CBLB: variants seen among roughly 807,000 people sequenced by gnomAD.
The protein encoded by CBLB is E3 ubiquitin-protein ligase CBL-B.
CBLB carries 31 observed loss-of-function variants against 104.9 expected under a neutral mutation model. The ratio of observed to expected loss-of-function variants is 0.30; its 90% CI spans 0.22 to 0.40. The LOEUF is 0.40. Ranked by LOEUF, CBLB falls within the 10% of genes least tolerant of loss-of-function variation. The pLI is 1.00. For missense variants in CBLB, 1,062 were observed against 1,214.6 expected (o/e 0.87, Z 1.87); for synonymous variants, 440 against 422.6 (o/e 1.04, Z -0.51).
At chr3:105,694,186 A>C (rs2068053455) in intron 12 of CBLB, among the ~76,000 whole-genome samples, 1 of 151,896 alleles carries the variant, frequency 6.6e-6, no homozygotes, top group East Asian at 1.9e-4. Flanking sequence ...TGAACACACA[A>C]ACCACAATTT....
At chr3:105,695,060 T>C (rs1435747102) in intron 12 of CBLB, among the ~76,000 whole-genome samples, 1 of 151,902 alleles carries the variant, frequency 6.6e-6, no homozygotes, top group Non-Finnish European at 1.5e-5. Context: ...TCATTGGAAT[T>C]CTTTGCATGC....
At chr3:105,707,753 C>T (rs562026503) in intron 10 of CBLB, among the ~76,000 whole-genome samples, 1 of 152,030 alleles carries the variant, frequency 6.6e-6, no homozygotes, top group African/African-American at 2.4e-5. Context: ...TTGCACAATC[C>T]AGTCCATAAT....
At chr3:105,719,515 G>C (rs1448885581) in intron 10 of CBLB, among the ~76,000 whole-genome samples, 1 of 152,166 alleles carries the variant, frequency 6.6e-6, no homozygotes, top group African/African-American at 2.4e-5. Context: ...ATTGCCTGGT[G>C]GGTGACATCA....
At chr3:105,811,304 C>T (rs72997628) in intron 3 of CBLB, among the ~76,000 whole-genome samples, 1,588 of 152,310 alleles carry the variant, frequency 0.01, 22 homozygotes, top group African/African-American at 0.036. Flanking sequence ...GGCACTAATG[C>T]TAATGAACAA....
At chr3:105,747,088 T>G (rs776980446) in intron 5 of CBLB, among the ~76,000 whole-genome samples, 1 of 152,172 alleles carries the variant, frequency 6.6e-6, no homozygotes, top group Admixed American at 6.5e-5. Flanking sequence ...ATCTGATTAG[T>G]TGTCTCTCCA....
At chr3:105,677,810 TATATA>T (rs1249856635) in intron 17 of CBLB, among the ~76,000 whole-genome samples, 1 of 148,706 alleles carries the variant, frequency 6.7e-6, no homozygotes, top group Non-Finnish European at 1.5e-5. Flanking sequence ...CAAATAATAT[TATATA>T]ATATATACAT....
In CBLB at chr3:105,776,443, G is replaced by A; in HGVS notation, c.519C>T (p.Ile173=). The part of the protein sequence containing the change: ...NGQFQGDNFR[I]TKADAAEFWR... The stretch of plus-strand genomic sequence containing the variant: ...AGAATTCAGCAGCATCTGCTTTTGT[G>A]ATACGAAAGTTATCTCCCTGGAATT... Residue 173 remains isoleucine (I), a synonymous_variant, in exon 4 of 19, where the codon ATC becomes ATT. Transcript: ENST00000394030. 1 of 1,613,640 alleles carries A rather than the reference G, an allele frequency of 6.2e-7. No homozygotes were observed. Among genetic ancestry groups the A allele is most frequent in the South Asian group, 1.1e-5 (1 of 91,068 alleles).
At chr3:105,810,933 T>G (rs527841112) in intron 3 of CBLB, among the ~76,000 whole-genome samples, 59 of 152,246 alleles carry the variant, frequency 3.9e-4, no homozygotes, top group South Asian at 1.2e-3. Context: ...TATACATATT[T>G]TATAATATGT....
At chr3:105,841,539 G>A (rs949952772) in intron 3 of CBLB, among the ~76,000 whole-genome samples, 4 of 149,764 alleles carry the variant, frequency 2.7e-5, no homozygotes, top group Admixed American at 1.3e-4. Flanking sequence ...TGCAAGCTCC[G>A]CCTCCCGGAT....
chr3:105,801,280 G>A (rs1002596961), intron 3 of CBLB, among the ~76,000 whole-genome samples: 6 of 152,102 alleles, frequency 3.9e-5, no homozygotes, highest in Non-Finnish European at 8.8e-5. Flanking sequence ...CTAGGTAGAG[G>A]AAACTAAAAT....
intron 9 of CBLB, among the ~76,000 whole-genome samples, chr3:105,730,986 A>G (rs2074256181): frequency 6.6e-6 from 1 of 152,200 alleles, no homozygotes; most frequent in African/African-American, 2.4e-5. Context: ...GAGAATGAAA[A>G]AGAGAAATAG....
intron 3 of CBLB, among the ~76,000 whole-genome samples, chr3:105,815,172 T>A (rs1249300042): frequency 6.6e-6 from 1 of 152,176 alleles, no homozygotes; most frequent in African/African-American, 2.4e-5. Context: ...TAAACCTACA[T>A]TATTGCCCTA....
At chr3:105,695,073 C>T (rs1373667943) in intron 12 of CBLB, among the ~76,000 whole-genome samples, 1 of 151,786 alleles carries the variant, frequency 6.6e-6, no homozygotes, top group Admixed American at 6.6e-5. Context: ...TTGCATGCTG[C>T]AGGAATAGAC....
intron 18 of CBLB, among the ~76,000 whole-genome samples, chr3:105,665,866 T>C (rs1306206178): frequency 6.6e-6 from 1 of 151,360 alleles, no homozygotes; most frequent in Non-Finnish European, 1.5e-5. Flanking sequence ...CCGTCTCTAC[T>C]AAAAATGTAA....
At chr3:105,772,897 C>T (rs1001250085) in intron 4 of CBLB, among the ~76,000 whole-genome samples, 4 of 152,078 alleles carry the variant, frequency 2.6e-5, no homozygotes, top group Admixed American at 1.3e-4. Context: ...TAGATGTTGA[C>T]GTGGATGTTG....
At chr3:105,786,015 G>A (rs1235373051) in intron 3 of CBLB, among the ~76,000 whole-genome samples, 1 of 139,792 alleles carries the variant, frequency 7.2e-6, no homozygotes, top group East Asian at 2.3e-4. Flanking sequence ...AGACATTGCA[G>A]TGAGTCTGGA....
In CBLB at chr3:105,853,886, T is replaced by C. The variant is rs1393670347; in HGVS notation, c.169-222A>G. Among the ~76,000 whole-genome samples the C allele has an allele frequency of 2.6e-5, 4 of 152,200 alleles. No individual in the cohort carries two copies. In the East Asian group the frequency reaches 5.8e-4, roughly 22 times the overall value. ...ATCTTTTCTATATCATATCCTTATTTTGAACCTCTAAAGTTTAATTCTAAG... is the reference window on the plus strand; with the variant it reads ...ATCTTTTCTATATCATATCCTTATTCTGAACCTCTAAAGTTTAATTCTAAG... On this transcript the variant is annotated intron_variant, in intron 2 of 18. Coordinates refer to ENST00000394030, the MANE Select transcript of CBLB (RefSeq NM_170662.5).
At chr3:105,867,344 T>C in intron 2 of CBLB, 66 bp downstream of exon 2, 1 of 1,400,228 alleles carries the variant, frequency 7.1e-7, no homozygotes, top group Non-Finnish European at 1.0e-6. Context: ...ACAGTATAAA[T>C]AAATCTGGAG....
chr3:105,754,721 T>A (rs1295224465), intron 4 of CBLB, among the ~76,000 whole-genome samples: 2 of 152,192 alleles, frequency 1.3e-5, no homozygotes, highest in Non-Finnish European at 2.9e-5. Context: ...AAGAATAGAA[T>A]ACATGACCAA....
Sources: gnomAD v4.1 joint callset for allele counts (sites outside exome capture counted in the v4.1 genomes callset) on GRCh38, gnomAD v4.1.1 for gene constraint, MANE v1.5 for transcripts, NCBI Gene and HGNC (gene_info 2026-07-23, HGNC 2026-07-21) for gene names.